RPL39L: variants seen among roughly 807,000 people sequenced by gnomAD.
RPL39L encodes ribosomal protein L39 like, also known as ribosomal protein eL39-like 2.
For missense variants in RPL39L, 48 were observed against 58.9 expected (o/e 0.81, Z 0.61); for synonymous variants, 16 against 20.1 (o/e 0.80, Z 0.55).
In RPL39L at chr3:187,121,189, T is replaced by C; in HGVS notation, c.112A>G (p.Asn38Asp). The change falls in exon 3 of 3, where the codon AAC (asparagine) becomes GAC (aspartate). Residue 38 changes from asparagine to aspartate, a missense_variant. Asn to Asp is a conservative substitution (Grantham distance 23, BLOSUM62 1). Transcript: ENST00000296277. Reference sequence around the variant, plus strand: ...CTTCTCCAATGCCTCCTTTTGGAGTTGTACCTGATTTTACTACCAGGTTTC... The same window carrying C: ...CTTCTCCAATGCCTCCTTTTGGAGTCGTACCTGATTTTACTACCAGGTTTC... Reference protein sequence around the residue: ...QMKPGSKIRYNSKRRHWRRTK... With the variant: ...QMKPGSKIRYDSKRRHWRRTK... 1 of 1,613,982 alleles carries C rather than the reference T, an allele frequency of 6.2e-7. No homozygotes were observed. Among genetic ancestry groups the C allele is most frequent in the South Asian group, 1.1e-5 (1 of 91,076 alleles).
intron 2 of RPL39L, among the ~76,000 whole-genome samples, chr3:187,124,622 A>C (rs186344799): frequency 4.1e-4 from 63 of 152,312 alleles, no homozygotes; most frequent in African/African-American, 1.4e-3. Context: ...TGTAAAATCA[A>C]GGTGCTCATA....
intron 2 of RPL39L, among the ~76,000 whole-genome samples, chr3:187,122,964 AATAGAAATACCT>A (rs1720337614): frequency 1.3e-5 from 2 of 152,256 alleles, no homozygotes; most frequent in African/African-American, 4.8e-5. Flanking sequence ...GGAAGTTCTC[AATAGAAATACCT>A]ATTAGTCTAG....
chr3:187,121,365 A>G (rs183169850), intron 2 of RPL39L, 37 bp from the exon 3 acceptor site: 2 of 1,560,462 alleles, frequency 1.3e-6, no homozygotes, highest in Admixed American at 1.7e-5. Flanking sequence ...CAGAGACAAT[A>G]TTACCATAGG....
At chr3:187,127,391 C>T (rs989166159) in intron 2 of RPL39L, among the ~76,000 whole-genome samples, 1 of 152,198 alleles carries the variant, frequency 6.6e-6, no homozygotes, top group Non-Finnish European at 1.5e-5. Context: ...ACTTTGAGAA[C>T]CACTAGTATG....
chr3:187,134,622 C>T (rs1009175767), intron 1 of RPL39L, among the ~76,000 whole-genome samples: 4 of 152,076 alleles, frequency 2.6e-5, no homozygotes, highest in Admixed American at 6.5e-5. Context: ...ACTTAGTCAT[C>T]GAAGTCTTGT....
At chr3:187,133,997 T>C (rs1465338029) in intron 1 of RPL39L, among the ~76,000 whole-genome samples, 2 of 151,624 alleles carry the variant, frequency 1.3e-5, no homozygotes, top group Non-Finnish European at 2.9e-5. Context: ...ATTATGAGCA[T>C]GAAAAAGAAA....
At chr3:187,131,035 T>C (rs749364213) in intron 1 of RPL39L, among the ~76,000 whole-genome samples, 10 of 152,264 alleles carry the variant, frequency 6.6e-5, no homozygotes, top group Non-Finnish European at 1.0e-4. Context: ...TTCAGCTTTC[T>C]CTACATCCTT....
chr3:187,124,192 T>A (rs1720359412), intron 2 of RPL39L, among the ~76,000 whole-genome samples: 1 of 152,202 alleles, frequency 6.6e-6, no homozygotes, highest in African/African-American at 2.4e-5. Context: ...TTGAATTACA[T>A]ACCTCTGGCT....
intron 2 of RPL39L, among the ~76,000 whole-genome samples, chr3:187,125,331 G>A (rs1720379600): frequency 6.6e-6 from 1 of 152,178 alleles, no homozygotes; most frequent in South Asian, 2.1e-4. Context: ...TGGTTTAAAG[G>A]TCAATGTGTT....
intron 1 of RPL39L, among the ~76,000 whole-genome samples, chr3:187,129,789 C>T (rs1350290295): frequency 6.6e-6 from 1 of 151,746 alleles, no homozygotes; most frequent in Non-Finnish European, 1.5e-5. Context: ...TTTTTCAACA[C>T]AATCTGAGTT....
chr3:187,138,830 C>T (rs1397716667), intron 1 of RPL39L, among the ~76,000 whole-genome samples: 1 of 152,114 alleles, frequency 6.6e-6, no homozygotes, highest in Non-Finnish European at 1.5e-5. Flanking sequence ...GAGGCCGAGG[C>T]GGGCGGATCA....
At chr3:187,125,197 C>T (rs1312269283) in intron 2 of RPL39L, among the ~76,000 whole-genome samples, 1 of 152,060 alleles carries the variant, frequency 6.6e-6, no homozygotes, top group South Asian at 2.1e-4. Flanking sequence ...GCTCTCCATA[C>T]CTTTTCATAA....
chr3:187,133,043 A>G (rs1720512511), intron 1 of RPL39L, among the ~76,000 whole-genome samples: 2 of 152,224 alleles, frequency 1.3e-5, no homozygotes, highest in Non-Finnish European at 2.9e-5. Flanking sequence ...GGACCAGCAT[A>G]AGAGTATAAA....
chr3:187,129,490 C>T (rs1161398703), intron 1 of RPL39L, among the ~76,000 whole-genome samples: 1 of 152,206 alleles, frequency 6.6e-6, no homozygotes, highest in Admixed American at 6.5e-5. Context: ...CAGTGCTCCT[C>T]CTCCTCCTCA....
chr3:187,134,505 A>C (rs1203340800), intron 1 of RPL39L, among the ~76,000 whole-genome samples: 1 of 151,524 alleles, frequency 6.6e-6, no homozygotes, highest in Admixed American at 6.6e-5. Flanking sequence ...AAAAAAAAGA[A>C]GACACAAATT....
intron 1 of RPL39L, among the ~76,000 whole-genome samples, chr3:187,134,490 A>T (rs1450637594): frequency 1.3e-5 from 2 of 151,558 alleles, no homozygotes; most frequent in Admixed American, 6.6e-5. Flanking sequence ...TGATAAAAAA[A>T]AAAAAAAAAA....
At position 187,123,785 on chromosome 3, in the gene RPL39L, T is replaced by C. The variant is rs372062559; in HGVS notation, c.-28-2457A>G. On this transcript the variant is annotated intron_variant, in intron 2 of 2. Coordinates refer to ENST00000296277, the MANE Select transcript of RPL39L (RefSeq NM_052969.3). Reference sequence around the variant, plus strand: ...AACTACAGTAGGACAAATAGTTTACTGTACTATTCCAAGTATTCATTTCCA... The same window carrying C: ...AACTACAGTAGGACAAATAGTTTACCGTACTATTCCAAGTATTCATTTCCA... Among the ~76,000 whole-genome samples, 11 of 152,364 alleles carry C rather than the reference T, an allele frequency of 7.2e-5. No homozygotes were observed. The East Asian group carries it at 1.7e-3, about 24-fold the overall frequency.
intron 1 of RPL39L, among the ~76,000 whole-genome samples, chr3:187,129,912 T>C (rs1046695899): frequency 9.2e-5 from 14 of 151,594 alleles, no homozygotes; most frequent in African/African-American, 3.1e-4. Flanking sequence ...TGCCACTTAA[T>C]AAGAGCTGTA....
intron 1 of RPL39L, among the ~76,000 whole-genome samples, chr3:187,135,391 C>T (rs1002323377): frequency 3.9e-5 from 6 of 152,262 alleles, no homozygotes; most frequent in East Asian, 1.9e-4. Flanking sequence ...GGGTCTTTCC[C>T]GTGCTGTTCT....
Sources: allele counts gnomAD v4.1 joint callset (sites outside exome capture counted in the v4.1 genomes callset), GRCh38; gene constraint gnomAD v4.1.1; transcripts MANE v1.5; gene names NCBI Gene and HGNC (gene_info 2026-07-23, HGNC 2026-07-21).